INPP5A: variants seen among roughly 807,000 people sequenced by gnomAD.
INPP5A encodes inositol polyphosphate-5-phosphatase A.
In INPP5A, 14 loss-of-function variants were observed where a neutral mutation model predicts 65.2. That is an observed-to-expected ratio of 0.21 (90% confidence interval 0.14 to 0.34). The LOEUF (loss-of-function observed/expected upper bound fraction) is 0.34, where lower values mean the gene tolerates loss of function less well. Among genes scored for constraint, INPP5A ranks in the 10% least tolerant of loss-of-function variants. INPP5A has a pLI of 1.00. For synonymous variants in INPP5A, 207 were observed against 208.3 expected (o/e 0.99, Z 0.05); for missense variants, 431 against 545.6 (o/e 0.79, Z 2.09).
intron 9 of INPP5A, among the ~76,000 whole-genome samples, chr10:132,747,267 C>T (rs938711402): frequency 1.3e-5 from 2 of 152,262 alleles, no homozygotes; most frequent in African/African-American, 4.8e-5. Context: ...TGTTTGGGTG[C>T]TTGTTCTAAT....
intron 1 of INPP5A, among the ~76,000 whole-genome samples, chr10:132,585,148 C>T (rs2071531716): frequency 6.6e-6 from 1 of 152,164 alleles, no homozygotes; most frequent in African/African-American, 2.4e-5. Context: ...TCATTGACTA[C>T]ATATACAATA....
chr10:132,585,450 C>G (rs970768461), intron 1 of INPP5A, among the ~76,000 whole-genome samples: 1 of 152,176 alleles, frequency 6.6e-6, no homozygotes, highest in South Asian at 2.1e-4. Context: ...TTATTTATCT[C>G]TTACTGTACC....
At chr10:132,730,446 G>T (rs547305590) in intron 9 of INPP5A, among the ~76,000 whole-genome samples, 1 of 152,256 alleles carries the variant, frequency 6.6e-6, no homozygotes, top group African/African-American at 2.4e-5. Context: ...GACAGTTCAC[G>T]TCTGTCCCTC....
chr10:132,679,407 G>A (rs1165394655), intron 4 of INPP5A, among the ~76,000 whole-genome samples: 1 of 152,130 alleles, frequency 6.6e-6, no homozygotes. Flanking sequence ...CCAGGAGGCT[G>A]GCCTTTAGGA....
chr10:132,642,766 G>A (rs1406914025), intron 2 of INPP5A, among the ~76,000 whole-genome samples: 4 of 152,208 alleles, frequency 2.6e-5, no homozygotes, highest in Non-Finnish European at 5.9e-5. Flanking sequence ...ATATACGTAA[G>A]ACTTCTGACC....
At chr10:132,747,737 A>G (rs537025114) in intron 9 of INPP5A, among the ~76,000 whole-genome samples, 1 of 152,318 alleles carries the variant, frequency 6.6e-6, no homozygotes, top group South Asian at 2.1e-4. Flanking sequence ...CAAAAATCAT[A>G]TATTATTTTC....
chr10:132,653,254 T>C (rs770427027), intron 4 of INPP5A, among the ~76,000 whole-genome samples: 13 of 152,216 alleles, frequency 8.5e-5, no homozygotes, highest in Non-Finnish European at 1.6e-4. Flanking sequence ...CAGCAAAACC[T>C]CCTTCAGGCT....
chr10:132,610,837 T>C (rs145435642), intron 2 of INPP5A, among the ~76,000 whole-genome samples: 1 of 152,302 alleles, frequency 6.6e-6, no homozygotes, highest in East Asian at 1.9e-4. Context: ...GGGTTTATGG[T>C]TGGGTTTGGG....
At chr10:132,765,032 G>T (rs60883301) in intron 11 of INPP5A, among the ~76,000 whole-genome samples, 1 of 134,542 alleles carries the variant, frequency 7.4e-6, no homozygotes, top group African/African-American at 3.4e-5. Flanking sequence ...AGTCCTGCAG[G>T]GGTGGGAGGG....
At chr10:132,597,929 C>G (rs753776545) in intron 1 of INPP5A, among the ~76,000 whole-genome samples, 1 of 151,972 alleles carries the variant, frequency 6.6e-6, no homozygotes, top group Non-Finnish European at 1.5e-5. Context: ...GTGCGTCCTG[C>G]GGGGCTGTGC....
rs1013049603 is a variant in INPP5A at position 132,627,588 on chromosome 10, C to A, written c.118-18280C>A. 3.3e-5 allele frequency among the ~76,000 whole-genome samples: 5 copies of A among 152,188 alleles called. No individual in the cohort carries two copies. Among genetic ancestry groups the A allele is most frequent in the African/African-American group, 1.2e-4 (5 of 41,434 alleles). ...GCTGCCAGCAACGTGCAGCGGATGA[C>A]AAGTGAAATGAACGAGGGAGTGAGA... On this transcript the variant is annotated intron_variant, in intron 2 of 15. Transcript: ENST00000368594. The surrounding 1 kb of genome is among the most constrained non-coding windows in gnomAD (Gnocchi z 6.6).
At chr10:132,779,344 G>A (rs1591009834) in intron 13 of INPP5A, among the ~76,000 whole-genome samples, 1 of 152,378 alleles carries the variant, frequency 6.6e-6, no homozygotes, top group South Asian at 2.1e-4. Flanking sequence ...GTGGAGCCCA[G>A]GGCTGCCACC....
At chr10:132,579,365 C>T (rs958369142) in intron 1 of INPP5A, among the ~76,000 whole-genome samples, 4 of 152,102 alleles carry the variant, frequency 2.6e-5, no homozygotes, top group African/African-American at 9.7e-5. Flanking sequence ...CTCCGTTTTC[C>T]TCCTTTTGAG....
chr10:132,540,651 G>A (rs1387449838), intron 1 of INPP5A, among the ~76,000 whole-genome samples: 3 of 152,260 alleles, frequency 2.0e-5, no homozygotes, highest in Non-Finnish European at 4.4e-5. Context: ...ATTCATGAGT[G>A]AAGGAAGTTT....
rs141443838 is a variant in INPP5A at position 132,546,620 on chromosome 10, C to T, written c.75+8449C>T. Among the ~76,000 whole-genome samples the T allele has an allele frequency of 6.4e-3, 977 of 152,264 alleles. 4 individuals carry two copies. The highest frequency in any genetic ancestry group is 0.011 in the Non-Finnish European group (753 of 68,016). ...GGGCAGCTTTCCCCGGCCCCTTCCC[C>T]GCCTCCTTCCCACTCTGGATTGTCC... On this transcript the variant is annotated intron_variant, in intron 1 of 15. Transcript: ENST00000368594. The surrounding 1 kb of genome is among the most constrained non-coding windows in gnomAD (Gnocchi z 5.7).
intron 9 of INPP5A, among the ~76,000 whole-genome samples, chr10:132,746,673 C>T (rs185240399): frequency 2.6e-4 from 40 of 152,208 alleles, no homozygotes; most frequent in African/African-American, 8.7e-4. Context: ...GTGGATAAGA[C>T]GGCACACCGG....
intron 1 of INPP5A, among the ~76,000 whole-genome samples, chr10:132,597,128 CGTGTGCAT>C (rs1274208674): frequency 1.4e-5 from 2 of 142,214 alleles, no homozygotes; most frequent in African/African-American, 2.7e-5. Flanking sequence ...GGTATGTGCA[CGTGTGCAT>C]GTGTGCATGC....
At chr10:132,559,409 C>T (rs564474274) in intron 1 of INPP5A, among the ~76,000 whole-genome samples, 6 of 152,320 alleles carry the variant, frequency 3.9e-5, no homozygotes, top group Non-Finnish European at 5.9e-5. Context: ...AGTGTTTTAG[C>T]GTGTTCACAA....
intron 13 of INPP5A, among the ~76,000 whole-genome samples, chr10:132,779,445 G>A (rs989247867): frequency 1.3e-4 from 20 of 152,384 alleles, no homozygotes; most frequent in Admixed American, 1.2e-3. Flanking sequence ...GGTGAGCAGC[G>A]CCCAAGGGCA....
Sources: gnomAD v4.1 joint callset for allele counts (sites outside exome capture counted in the v4.1 genomes callset) on GRCh38, gnomAD v4.1.1 for gene constraint, Gnocchi (gnomAD v3.1) non-coding constraint, MANE v1.5 for transcripts, NCBI Gene and HGNC (gene_info 2026-07-23, HGNC 2026-07-21) for gene names.